Variants in OPCML observed in about 807,000 individuals in gnomAD.
OPCML encodes opioid-binding protein/cell adhesion molecule.
In OPCML, 13 loss-of-function variants were observed where a neutral mutation model predicts 37.8. That is an observed-to-expected ratio of 0.34 (90% confidence interval 0.22 to 0.55). OPCML has a LOEUF of 0.55. OPCML is among the 20% of genes least tolerant of loss of function. The probability of loss-of-function intolerance (pLI) is 0.91; values close to 1 mark genes in which losing one functional copy is unlikely to be tolerated. For synonymous variants in OPCML, 176 were observed against 168.8 expected (o/e 1.04, Z -0.33); for missense variants, 341 against 435.6 (o/e 0.78, Z 1.93).
At chr11:133,019,444 A>G (rs967932962) in intron 1 of OPCML, among the ~76,000 whole-genome samples, 1 of 152,176 alleles carries the variant, frequency 6.6e-6, no homozygotes, top group Non-Finnish European at 1.5e-5. Flanking sequence ...CCATGCGGAC[A>G]CCACTTGATA....
chr11:132,741,833 C>A (rs569768204), intron 2 of OPCML, among the ~76,000 whole-genome samples: 49 of 152,010 alleles, frequency 3.2e-4, no homozygotes, highest in African/African-American at 1.0e-3. Context: ...TTGAGACCAG[C>A]CTGACCAACA....
At chr11:132,988,535 G>A (rs1946720226) in intron 1 of OPCML, among the ~76,000 whole-genome samples, 1 of 152,162 alleles carries the variant, frequency 6.6e-6, no homozygotes, top group Non-Finnish European at 1.5e-5. Context: ...ACAGAAATGG[G>A]GAGGGCTGCG....
chr11:133,463,097 T>C (rs984586732), intron 1 of OPCML, among the ~76,000 whole-genome samples: 1 of 131,014 alleles, frequency 7.6e-6, no homozygotes, highest in South Asian at 2.3e-4. Flanking sequence ...GCAAGCACTG[T>C]ATGAGTTCAT....
chr11:132,684,271 C>T (rs1021566168), intron 2 of OPCML, among the ~76,000 whole-genome samples: 9 of 152,100 alleles, frequency 5.9e-5, no homozygotes, highest in African/African-American at 2.2e-4. Context: ...AGATTATTTG[C>T]ATGAATTCTC....
chr11:132,630,708 T>A (rs1408872426), intron 3 of OPCML, among the ~76,000 whole-genome samples: 1 of 152,162 alleles, frequency 6.6e-6, no homozygotes, highest in Admixed American at 6.6e-5. Context: ...ATTGTAAAAA[T>A]GCTTGATAGT....
At chr11:133,057,024 A>G (rs1948253207) in intron 1 of OPCML, among the ~76,000 whole-genome samples, 1 of 152,044 alleles carries the variant, frequency 6.6e-6, no homozygotes, top group African/African-American at 2.4e-5. Flanking sequence ...TGTATTTTTT[A>G]GTAGAGACGG....
chr11:132,683,979 T>G (rs1016406222), intron 2 of OPCML, among the ~76,000 whole-genome samples: 1 of 152,174 alleles, frequency 6.6e-6, no homozygotes, highest in African/African-American at 2.4e-5. Flanking sequence ...TTCTGAATAT[T>G]TGTCTCCAAC....
intron 1 of OPCML, among the ~76,000 whole-genome samples, chr11:133,097,112 C>T (rs894349262): frequency 6.6e-6 from 1 of 152,150 alleles, no homozygotes; most frequent in Non-Finnish European, 1.5e-5. Context: ...TTCTCAAGCT[C>T]ATGTGGAACA....
intron 1 of OPCML, among the ~76,000 whole-genome samples, chr11:133,522,807 C>G (rs4936195): frequency 0.19 from 29,547 of 152,054 alleles, 3,433 homozygotes; most frequent in Admixed American, 0.32. Context: ...TGAAAGCACT[C>G]AACTAGACAA....
intron 2 of OPCML, among the ~76,000 whole-genome samples, chr11:132,822,674 C>T (rs1034796185): frequency 1.3e-5 from 2 of 152,196 alleles, no homozygotes; most frequent in African/African-American, 4.8e-5. Flanking sequence ...AAATAAGTCC[C>T]TCCCTTTCCT....
chr11:133,346,936 C>T (rs1457375517), intron 1 of OPCML, among the ~76,000 whole-genome samples: 1 of 152,182 alleles, frequency 6.6e-6, no homozygotes, highest in African/African-American at 2.4e-5. Context: ...AAATTCCCTA[C>T]TGAAGACTGA....
chr11:133,468,330 T>A, intron 1 of OPCML, among the ~76,000 whole-genome samples: 1 of 152,180 alleles, frequency 6.6e-6, no homozygotes, highest in East Asian at 1.9e-4. Flanking sequence ...GAAGAAAGGA[T>A]GCTGGGACAG....
intron 7 of OPCML, among the ~76,000 whole-genome samples, chr11:132,432,498 T>C (rs1441977082): frequency 6.6e-6 from 1 of 152,132 alleles, no homozygotes; most frequent in Non-Finnish European, 1.5e-5. Context: ...AAAGACCCAC[T>C]GAGATTGACC....
At chr11:133,298,825 C>T (rs1359894064) in intron 1 of OPCML, 1 of 152,126 alleles carries the variant, frequency 6.6e-6, no homozygotes, top group Non-Finnish European at 1.5e-5. Context: ...GCATATCAGA[C>T]TGCTTGTGTG....
intron 1 of OPCML, among the ~76,000 whole-genome samples, chr11:133,054,928 G>A (rs1020439039): frequency 2.0e-5 from 3 of 150,500 alleles, no homozygotes; most frequent in South Asian, 2.1e-4. Flanking sequence ...ACCATATAAT[G>A]CTGCCTCCAT....
chr11:133,081,469 G>A (rs761287874), intron 1 of OPCML, among the ~76,000 whole-genome samples: 2 of 152,196 alleles, frequency 1.3e-5, no homozygotes, highest in East Asian at 3.8e-4. Context: ...TAAGGAATTC[G>A]CAAGTGGCTG....
chr11:133,417,634 C>T (rs1945796811), intron 1 of OPCML, among the ~76,000 whole-genome samples: 2 of 148,028 alleles, frequency 1.4e-5, no homozygotes, highest in Admixed American at 1.3e-4. Context: ...TCCCTCCCCA[C>T]TCCCCCGACC....
At chr11:133,419,708 T>G (rs566994475) in intron 1 of OPCML, among the ~76,000 whole-genome samples, 1 of 152,160 alleles carries the variant, frequency 6.6e-6, no homozygotes, top group African/African-American at 2.4e-5. Flanking sequence ...GCTTGACTGT[T>G]TTTTTTATTG....
intron 2 of OPCML, among the ~76,000 whole-genome samples, chr11:132,844,240 T>C (rs978040935): frequency 1.3e-5 from 2 of 152,208 alleles, no homozygotes; most frequent in Admixed American, 1.3e-4. Context: ...TATGTCTTTA[T>C]CAGCAGCGTG....
Sources: gnomAD v4.1 joint callset for allele counts (sites outside exome capture counted in the v4.1 genomes callset) on GRCh38, gnomAD v4.1.1 for gene constraint, MANE v1.5 for transcripts, NCBI Gene and HGNC (gene_info 2026-07-23, HGNC 2026-07-21) for gene names.